RANBP3L: variants seen among roughly 807,000 people sequenced by gnomAD.
RANBP3L encodes the protein ran-binding protein 3-like.
A neutral mutation model predicts 67.2 loss-of-function variants in RANBP3L; 56 were observed. The observed-to-expected ratio is 0.83, with a 90% confidence interval of 0.67 to 1.04. The LOEUF is 1.04. Ranked by LOEUF, RANBP3L falls within the 50% of genes least tolerant of loss-of-function variation. The pLI is 0.00. For missense variants in RANBP3L, 496 were observed against 535.5 expected, an observed-to-expected ratio of 0.93 and a Z score of 0.73; for synonymous variants, 164 against 181.4, an observed-to-expected ratio of 0.90 and a Z score of 0.77.
chr5:36,277,398 A>ATCTCTCTCTCTC (rs746299512), intron 1 of RANBP3L, among the ~76,000 whole-genome samples: 39 of 100,490 alleles, frequency 3.9e-4, no homozygotes, highest in African/African-American at 1.6e-3. Context: ...CAGCTTTTTC[A>ATCTCTCTCTCTC]TCTCTCTCTC....
chr5:36,287,800 A>G (rs1289748411), intron 1 of RANBP3L, among the ~76,000 whole-genome samples: 1 of 152,228 alleles, frequency 6.6e-6, no homozygotes, highest in Non-Finnish European at 1.5e-5. Context: ...AAAAGCAACA[A>G]TAAAATACCA....
intron 1 of RANBP3L, among the ~76,000 whole-genome samples, chr5:36,273,658 C>T (rs1750380374): frequency 6.6e-6 from 1 of 152,098 alleles, no homozygotes; most frequent in South Asian, 2.1e-4. Context: ...GCCATTGGGT[C>T]TACAGCAGAT....
intron 6 of RANBP3L, 31 bp from the exon 7 acceptor site, chr5:36,262,073 A>T (rs1451075821): frequency 2.8e-6 from 3 of 1,074,346 alleles, no homozygotes; most frequent in Non-Finnish European, 2.9e-6. Context: ...CAAAAAGTTT[A>T]TAAAGACTAC....
chr5:36,262,585 G>C (rs1180101729), intron 6 of RANBP3L, among the ~76,000 whole-genome samples: 1 of 151,952 alleles, frequency 6.6e-6, no homozygotes, highest in Non-Finnish European at 1.5e-5. Context: ...AAATGTAAGA[G>C]TGAGGAAATT....
chr5:36,275,339 A>G (rs1237699735), intron 1 of RANBP3L, among the ~76,000 whole-genome samples: 1 of 152,206 alleles, frequency 6.6e-6, no homozygotes, highest in Non-Finnish European at 1.5e-5. Context: ...AATGCATACC[A>G]TTAGTAAGTG....
chr5:36,269,308 T>G (rs920712244), intron 4 of RANBP3L, 82 bp downstream of exon 4: 1 of 834,106 alleles, frequency 1.2e-6, no homozygotes, highest in South Asian at 1.5e-5. Flanking sequence ...CTTTTAACAT[T>G]ACCCTTTTGA....
intron 1 of RANBP3L, among the ~76,000 whole-genome samples, chr5:36,295,088 G>A (rs1368819781): frequency 6.6e-6 from 1 of 151,786 alleles, no homozygotes; most frequent in Non-Finnish European, 1.5e-5. Flanking sequence ...CATGAGCATA[G>A]GTGCACAAGT....
At position 36,262,018 on chromosome 5, in the gene RANBP3L, A is replaced by G. The variant is rs1579695719; in HGVS notation, c.505T>C (p.Leu169=). 6 of 1,599,366 alleles carry G rather than the reference A, an allele frequency of 3.8e-6. No homozygotes were observed. Among genetic ancestry groups the G allele is most frequent in the Middle Eastern group, 1.7e-4 (1 of 6,028 alleles). ...CTAGCCCTTGATAAATTTTCACTTA[A>G]CAAATAGGAATTTCCCTCAGAAATC... ...NKISEGNSYL[L]SENLSRARIS... Residue 169 remains leucine, a synonymous_variant, in exon 7 of 14, where the codon TTA becomes CTA. Transcript: ENST00000296604.
At chr5:36,263,935 A>G (rs1749570672) in intron 6 of RANBP3L, among the ~76,000 whole-genome samples, 1 of 152,256 alleles carries the variant, frequency 6.6e-6, no homozygotes, top group Admixed American at 6.5e-5. Context: ...GACATGTTTT[A>G]CTTAAAAATT....
intron 11 of RANBP3L, among the ~76,000 whole-genome samples, chr5:36,254,095 A>G (rs1231065807): frequency 6.6e-6 from 1 of 152,138 alleles, no homozygotes; most frequent in African/African-American, 2.4e-5. Flanking sequence ...CAATGAAGAA[A>G]ACCAAAACAA....
intron 1 of RANBP3L, among the ~76,000 whole-genome samples, chr5:36,280,716 A>G (rs28654950): frequency 0.033 from 5,003 of 152,246 alleles, 210 homozygotes; most frequent in East Asian, 0.15. Context: ...ATGGTTTTAT[A>G]AGGACTTTCT....
intron 1 of RANBP3L, among the ~76,000 whole-genome samples, chr5:36,289,397 A>T (rs1751551350): frequency 6.6e-6 from 1 of 152,096 alleles, no homozygotes; most frequent in Non-Finnish European, 1.5e-5. Flanking sequence ...ATATTTCCTT[A>T]TCCTTTTAAA....
At chr5:36,258,961 A>G (rs569160649) in intron 8 of RANBP3L, among the ~76,000 whole-genome samples, 1 of 152,380 alleles carries the variant, frequency 6.6e-6, no homozygotes, top group East Asian at 1.9e-4. Context: ...ATTTGAGATC[A>G]ATGCTTTATA....
chr5:36,286,211 G>T (rs565695045), intron 1 of RANBP3L, among the ~76,000 whole-genome samples: 158 of 152,124 alleles, frequency 1.0e-3, no homozygotes, highest in African/African-American at 3.7e-3. Flanking sequence ...GAGGTTGAGA[G>T]GAGTAGCTTA....
At chr5:36,260,750 T>C in intron 8 of RANBP3L, 30 bp downstream of exon 8, 1 of 953,866 alleles carries the variant, frequency 1.0e-6, no homozygotes, top group South Asian at 1.4e-5. Flanking sequence ...GCTCTGTATA[T>C]AGTAATAGAA....
chr5:36,255,065 T>A (rs1376369574), intron 11 of RANBP3L, among the ~76,000 whole-genome samples: 1 of 152,088 alleles, frequency 6.6e-6, no homozygotes, highest in East Asian at 1.9e-4. Context: ...ACAAAATAAT[T>A]TGCATCATAT....
intron 13 of RANBP3L, among the ~76,000 whole-genome samples, chr5:36,250,798 T>G (rs1331316913): frequency 6.6e-6 from 1 of 152,134 alleles, no homozygotes; most frequent in Non-Finnish European, 1.5e-5. Context: ...AACCTTACTT[T>G]ATTTGTGAAT....
rs530106732 is a variant in RANBP3L, at chr5:36,292,414, A to G, written c.91+8912T>C. On this transcript the variant is annotated intron_variant, in intron 1 of 13. Transcript: ENST00000296604. ...AAGCTCTTGAGTTTAATTAGATCCC[A>G]TTTGTCAATTTTGGCTTTTGTTGCC... is the stretch of plus-strand genomic sequence containing the variant. Among the ~76,000 whole-genome samples, 19 of 151,940 alleles carry G rather than the reference A, an allele frequency of 1.3e-4. No individual in the cohort carries two copies. In the East Asian group the frequency reaches 2.7e-3, roughly 22 times the overall value.
chr5:36,283,400 C>CA (rs5867311), intron 1 of RANBP3L, among the ~76,000 whole-genome samples: 64,793 of 143,128 alleles, frequency 0.45, 14,525 homozygotes, highest in African/African-American at 0.49. Flanking sequence ...AAAAATGTTA[C>CA]AAAAAAAAAA....
Sources: gnomAD v4.1 joint callset for allele counts (sites outside exome capture counted in the v4.1 genomes callset) on GRCh38, gnomAD v4.1.1 for gene constraint, MANE v1.5 for transcripts, NCBI Gene and HGNC (gene_info 2026-07-23, HGNC 2026-07-21) for gene names.